Variants in ADORA2B observed in about 807,000 individuals in gnomAD.
ADORA2B encodes the protein adenosine A2b receptor.
A neutral mutation model predicts 20.8 loss-of-function variants in ADORA2B; 18 were observed. The ratio of observed to expected loss-of-function variants is 0.87; its 90% CI spans 0.60 to 1.29. The LOEUF is 1.29. Ranked by LOEUF, ADORA2B falls within the 50% of genes most tolerant of loss-of-function variation. The pLI is 0.00. For missense variants in ADORA2B, 441 were observed against 422.7 expected (o/e 1.04, Z -0.38); for synonymous variants, 179 against 178.3 (o/e 1.00, Z -0.03).
At chr17:15,934,783 G>A in the ADORA2B span, among the ~76,000 whole-genome samples, 4 of 151,960 alleles carry the variant, frequency 2.6e-5, no homozygotes, top group Non-Finnish European at 5.9e-5. Context: ...GTTTTATGCT[G>A]TCTTTTGTAT....
the ADORA2B span, among the ~76,000 whole-genome samples, chr17:15,866,685 C>CCCTCTG: frequency 1.0e-4 from 12 of 116,854 alleles, no homozygotes; most frequent in Middle Eastern, 5.2e-3. Flanking sequence ...TTTTGGCTCT[C>CCCTCTG]CCTCTGCCTC....
the ADORA2B span, among the ~76,000 whole-genome samples, chr17:15,913,748 C>T: frequency 2.0e-5 from 3 of 152,220 alleles, no homozygotes; most frequent in African/African-American, 7.2e-5. Flanking sequence ...GCAGTGTTGG[C>T]CAAAGGGCCG....
the ADORA2B span, among the ~76,000 whole-genome samples, chr17:15,898,493 C>T: frequency 2.7e-5 from 4 of 149,130 alleles, no homozygotes; most frequent in East Asian, 2.0e-4. Flanking sequence ...CTCAAAATCC[C>T]GAGTAGCTGG....
chr17:15,899,963 C>T, the ADORA2B span, among the ~76,000 whole-genome samples: 2 of 152,036 alleles, frequency 1.3e-5, no homozygotes, highest in African/African-American at 4.8e-5. Flanking sequence ...TCCTGAGTAG[C>T]TGGGATTACA....
chr17:15,970,842 C>T (rs1295469399), intron 1 of ADORA2B, among the ~76,000 whole-genome samples: 2 of 152,176 alleles, frequency 1.3e-5, no homozygotes, highest in Non-Finnish European at 2.9e-5. Context: ...AGGCTTGTCC[C>T]TTATGGTCAC....
chr17:15,920,878 C>T, the ADORA2B span, among the ~76,000 whole-genome samples: 26 of 152,338 alleles, frequency 1.7e-4, no homozygotes, highest in South Asian at 1.9e-3. Flanking sequence ...AGGGGGCCAA[C>T]GGGATGACTC....
intron 1 of ADORA2B, among the ~76,000 whole-genome samples, chr17:15,957,800 G>A (rs1969986842): frequency 6.6e-6 from 1 of 151,958 alleles, no homozygotes; most frequent in Non-Finnish European, 1.5e-5. Flanking sequence ...ACCCGTCTCC[G>A]CCCAACCTTC....
At chr17:15,942,610 A>G (rs80017511), upstream of ADORA2B, among the ~76,000 whole-genome samples, 1,928 of 152,330 alleles carry the variant, frequency 0.013, 48 homozygotes, top group African/African-American at 0.044. Context: ...ATGCTAGAGC[A>G]GAGCCCAGGC....
At chr17:15,874,064 G>GTATATATATATATGTATATATATATA in the ADORA2B span, among the ~76,000 whole-genome samples, 1 of 144,842 alleles carries the variant, frequency 6.9e-6, no homozygotes, top group African/African-American at 2.7e-5. Flanking sequence ...ATATATGTGT[G>GTATATATATATATGTATATATATATA]TGTGTATATA....
chr17:15,918,872 T>C, the ADORA2B span, among the ~76,000 whole-genome samples: 1 of 152,190 alleles, frequency 6.6e-6, no homozygotes, highest in African/African-American at 2.4e-5. Flanking sequence ...CTGGCAGCCG[T>C]GTAAGAGCCT....
chr17:15,972,443 ATATG>A (rs1399544601), intron 1 of ADORA2B, among the ~76,000 whole-genome samples: 1 of 152,240 alleles, frequency 6.6e-6, no homozygotes, highest in Non-Finnish European at 1.5e-5. Context: ...TATACATTAC[ATATG>A]TATTATGGAC....
At chr17:15,866,730 G>GCTGCCT in the ADORA2B span, among the ~76,000 whole-genome samples, 16 of 144,318 alleles carry the variant, frequency 1.1e-4, no homozygotes, top group African/African-American at 4.0e-4. Flanking sequence ...TGCCGCTGCC[G>GCTGCCT]CTGCCTCTGC....
intron 1 of ADORA2B, among the ~76,000 whole-genome samples, chr17:15,971,421 T>G (rs557342989): frequency 6.6e-6 from 1 of 152,188 alleles, no homozygotes; most frequent in Admixed American, 6.5e-5. Flanking sequence ...TAGGGGCCCA[T>G]GATTGAGCTG....
chr17:15,925,036 G>GTTATT, the ADORA2B span, among the ~76,000 whole-genome samples: 1 of 151,078 alleles, frequency 6.6e-6, no homozygotes, highest in African/African-American at 2.4e-5. Flanking sequence ...ACCACACCTG[G>GTTATT]TTATTTTATT....
the ADORA2B span, among the ~76,000 whole-genome samples, chr17:15,923,206 A>ATTCTTTTTTT: frequency 1.8e-5 from 2 of 113,526 alleles, no homozygotes; most frequent in Admixed American, 9.6e-5. Context: ...TCTTTTTTTA[A>ATTCTTTTTTT]TTTTTTTTTT....
the ADORA2B span, among the ~76,000 whole-genome samples, chr17:15,903,275 A>C: frequency 1.3e-5 from 2 of 152,228 alleles, no homozygotes; most frequent in Admixed American, 1.3e-4. Flanking sequence ...CCTAGGTTCA[A>C]ATCATTGGAT....
chr17:15,898,682 A>G, the ADORA2B span, among the ~76,000 whole-genome samples: 1 of 151,776 alleles, frequency 6.6e-6, no homozygotes, highest in East Asian at 1.9e-4. Context: ...TTTTAAATTT[A>G]TTGTCTTTGT....
chr17:15,931,267 A>G, the ADORA2B span, among the ~76,000 whole-genome samples: 1 of 152,216 alleles, frequency 6.6e-6, no homozygotes, highest in Non-Finnish European at 1.5e-5. Flanking sequence ...TAGCGCTTCA[A>G]TGCTGGCCTC....
the ADORA2B span, among the ~76,000 whole-genome samples, chr17:15,877,911 T>C: frequency 5.9e-5 from 9 of 152,212 alleles, no homozygotes; most frequent in Admixed American, 4.6e-4. Flanking sequence ...AGGTCTGTTA[T>C]GTTAGTTATT....
Sources: gnomAD v4.1 joint callset for allele counts (sites outside exome capture counted in the v4.1 genomes callset) on GRCh38, gnomAD v4.1.1 for gene constraint, MANE v1.5 for transcripts, NCBI Gene and HGNC (gene_info 2026-07-23, HGNC 2026-07-21) for gene names.